Variants in RELN observed in about 807,000 individuals in gnomAD.
The protein encoded by RELN is reelin.
A neutral mutation model predicts 427.6 loss-of-function variants in RELN; 108 were observed. The ratio of observed to expected loss-of-function variants is 0.25; its 90% CI spans 0.22 to 0.30. RELN has a LOEUF of 0.30. Ranked by LOEUF, RELN falls within the 10% of genes least tolerant of loss-of-function variation. RELN has a pLI of 1.00. For missense variants in RELN, 3,715 were observed against 4,302.8 expected, an observed-to-expected ratio of 0.86 and a Z score of 3.82; for synonymous variants, 1,524 against 1,513.4, an observed-to-expected ratio of 1.01 and a Z score of -0.16.
chr7:103,628,348 C>G (rs919427377), intron 20 of RELN: 1 of 152,224 alleles, frequency 6.6e-6, no homozygotes, highest in Non-Finnish European at 1.5e-5. Context: ...CCATTGCACT[C>G]CAGCCTGGGT....
At chr7:103,590,148 C>A (rs554752821) in intron 27 of RELN, among the ~76,000 whole-genome samples, 1 of 152,288 alleles carries the variant, frequency 6.6e-6, no homozygotes, top group South Asian at 2.1e-4. Context: ...TTTTTTCTCC[C>A]TCCTCAGAGG....
chr7:103,556,881 C>A, intron 38 of RELN, 96 bp downstream of exon 38: 1 of 981,454 alleles, frequency 1.0e-6, no homozygotes, highest in Non-Finnish European at 1.7e-6. Flanking sequence ...GACAGCTAAG[C>A]TGCTCAGTTG....
chr7:103,517,290 G>A (rs1430244099), intron 49 of RELN, among the ~76,000 whole-genome samples: 1 of 151,496 alleles, frequency 6.6e-6, no homozygotes, highest in Non-Finnish European at 1.5e-5. Flanking sequence ...ACACACAATC[G>A]CACTTCTTCA....
chr7:103,554,054 G>T (rs532765722), intron 38 of RELN, among the ~76,000 whole-genome samples: 1 of 152,152 alleles, frequency 6.6e-6, no homozygotes, highest in Non-Finnish European at 1.5e-5. Context: ...AGGTGTGTTT[G>T]TGCATGCCTG....
chr7:103,929,044 G>T (rs1300150564), intron 1 of RELN, among the ~76,000 whole-genome samples: 9 of 152,210 alleles, frequency 5.9e-5, no homozygotes, highest in Non-Finnish European at 8.8e-5. Context: ...ATATCTTGTT[G>T]TGGGAAATCC....
chr7:103,648,750 C>T (rs980125333), intron 16 of RELN, among the ~76,000 whole-genome samples: 13 of 151,946 alleles, frequency 8.6e-5, no homozygotes, highest in Admixed American at 7.2e-4. Context: ...CAAGAAAAAA[C>T]GTATAGTTCC....
At chr7:103,538,258 C>T (rs147288995) in intron 45 of RELN, among the ~76,000 whole-genome samples, 6 of 152,270 alleles carry the variant, frequency 3.9e-5, no homozygotes, top group African/African-American at 9.6e-5. Flanking sequence ...ATTTCTGCCT[C>T]CCCTCTACCC....
At chr7:103,643,577 T>C (rs574734745) in intron 16 of RELN, among the ~76,000 whole-genome samples, 1 of 151,992 alleles carries the variant, frequency 6.6e-6, no homozygotes, top group South Asian at 2.1e-4. Flanking sequence ...ATAGCTAATC[T>C]TAACTAACCT....
At chr7:103,733,049 G>C (rs1295160482) in intron 6 of RELN, among the ~76,000 whole-genome samples, 1 of 151,898 alleles carries the variant, frequency 6.6e-6, no homozygotes, top group Non-Finnish European at 1.5e-5. Context: ...ATGGTTTTAG[G>C]TCTAACGTTT....
At chr7:103,493,909 A>ACT (rs762864292) in intron 57 of RELN, among the ~76,000 whole-genome samples, 1 of 151,908 alleles carries the variant, frequency 6.6e-6, no homozygotes, top group African/African-American at 2.4e-5. Context: ...TTGAGGATAG[A>ACT]CTCTCTTTTT....
At chr7:103,721,013 A>T (rs1912552) in intron 8 of RELN, among the ~76,000 whole-genome samples, 36,140 of 152,022 alleles carry the variant, frequency 0.24, 4,486 homozygotes, top group South Asian at 0.38. Flanking sequence ...TTTACTCTCA[A>T]AGTGTAGTAA....
intron 16 of RELN, among the ~76,000 whole-genome samples, chr7:103,649,081 CTGAG>C (rs1231559414): frequency 6.6e-6 from 1 of 151,988 alleles, no homozygotes; most frequent in African/African-American, 2.4e-5. Context: ...AACCTCACTA[CTGAG>C]TATCTACCCA....
chr7:103,741,085 G>A (rs901556275), intron 6 of RELN, among the ~76,000 whole-genome samples: 2 of 152,138 alleles, frequency 1.3e-5, no homozygotes, highest in African/African-American at 4.8e-5. Flanking sequence ...CTGGGGTAAA[G>A]AGAATCAAAG....
Position 103,822,196 on chromosome 7 carries a change from T to G in RELN, c.473+11341A>C, listed in dbSNP as rs144115901. Among the ~76,000 whole-genome samples, 7 of 152,186 alleles carry G rather than the reference T, an allele frequency of 4.6e-5. No homozygotes were observed. The East Asian group carries it at 1.4e-3, about 29-fold the overall frequency. ...AACTTTGTGATGACAAAGTTTTACATGAATTCAGGCCATCAATTAAAAAAT... is the reference window on the plus strand; with the variant it reads ...AACTTTGTGATGACAAAGTTTTACAGGAATTCAGGCCATCAATTAAAAAAT... On this transcript the variant is annotated intron_variant, in intron 3 of 64. Coordinates refer to ENST00000428762, the MANE Select transcript of RELN (RefSeq NM_005045.4).
chr7:103,621,744 A>G (rs910230256), intron 20 of RELN, among the ~76,000 whole-genome samples: 1 of 152,166 alleles, frequency 6.6e-6, no homozygotes, highest in African/African-American at 2.4e-5. Flanking sequence ...GGCTGGGTGC[A>G]GTGGCTCATG....
At chr7:103,955,815 T>C (rs571066984) in intron 1 of RELN, among the ~76,000 whole-genome samples, 7 of 152,290 alleles carry the variant, frequency 4.6e-5, no homozygotes, top group East Asian at 1.9e-4. Flanking sequence ...GAAAAGCCCA[T>C]CCCAGCTTCA....
chr7:103,894,723 T>C (rs1258158986), intron 2 of RELN, among the ~76,000 whole-genome samples: 1 of 152,120 alleles, frequency 6.6e-6, no homozygotes, highest in African/African-American at 2.4e-5. Flanking sequence ...ACCAATTTCA[T>C]ATGGAAATAT....
intron 4 of RELN, among the ~76,000 whole-genome samples, chr7:103,761,634 G>C (rs202041594): frequency 1.8e-4 from 27 of 151,528 alleles, no homozygotes; most frequent in Middle Eastern, 3.4e-3. Context: ...TTTTTGGGGG[G>C]GGGTAGAGAC....
chr7:103,761,690 A>G (rs1251276635), intron 4 of RELN, among the ~76,000 whole-genome samples: 1 of 152,046 alleles, frequency 6.6e-6, no homozygotes, highest in Non-Finnish European at 1.5e-5. Flanking sequence ...TCCTGGGCTC[A>G]AGCAATCCAC....
Sources: gnomAD v4.1 joint callset for allele counts (sites outside exome capture counted in the v4.1 genomes callset) on GRCh38, gnomAD v4.1.1 for gene constraint, MANE v1.5 for transcripts, NCBI Gene and HGNC (gene_info 2026-07-23, HGNC 2026-07-21) for gene names.